Variants in RBPJ observed in about 807,000 individuals in gnomAD.
The protein encoded by RBPJ is recombining binding protein suppressor of hairless.
RBPJ carries 9 observed loss-of-function variants against 67.8 expected under a neutral mutation model. The ratio of observed to expected loss-of-function variants is 0.13; its 90% CI spans 0.08 to 0.23. The LOEUF (loss-of-function observed/expected upper bound fraction) is 0.23, where lower values mean the gene tolerates loss of function less well. RBPJ is among the 10% of genes least tolerant of loss of function. The probability of loss-of-function intolerance (pLI) is 1.00; values close to 1 mark genes in which losing one functional copy is unlikely to be tolerated. For missense variants in RBPJ, 305 were observed against 595.6 expected, an observed-to-expected ratio of 0.51 and a Z score of 5.08; for synonymous variants, 198 against 203.3, an observed-to-expected ratio of 0.97 and a Z score of 0.22.
chr4:26,190,583 C>T (rs939526339), intron 1 of RBPJ, among the ~76,000 whole-genome samples: 2 of 152,174 alleles, frequency 1.3e-5, no homozygotes, highest in Admixed American at 1.3e-4. Context: ...GACATGCATG[C>T]CTCTCTTCGA....
At chr4:26,293,598 A>T (rs967214873) in intron 1 of RBPJ, among the ~76,000 whole-genome samples, 2 of 150,698 alleles carry the variant, frequency 1.3e-5, no homozygotes, top group African/African-American at 4.9e-5. Context: ...ATTGTGCCAT[A>T]GTACTCCAGC....
At chr4:26,320,910 C>G, upstream of RBPJ, 1 of 1,543,372 alleles carries the variant, frequency 6.5e-7, no homozygotes, top group Non-Finnish European at 8.7e-7. Flanking sequence ...GGAAAGGGAG[C>G]GCGGGGGCTG....
intron 1 of RBPJ, among the ~76,000 whole-genome samples, chr4:26,183,731 C>T (rs998595508): frequency 6.6e-5 from 10 of 152,136 alleles, no homozygotes; most frequent in Non-Finnish European, 1.2e-4. Context: ...AAAATGTAGC[C>T]GGGCGTGGTC....
chr4:26,386,949 C>A (rs1031393498), intron 2 of RBPJ, among the ~76,000 whole-genome samples: 2 of 151,982 alleles, frequency 1.3e-5, no homozygotes, highest in Admixed American at 1.3e-4. Flanking sequence ...TCAGTGCAAA[C>A]CTTGCGTTTT....
intron 1 of RBPJ, among the ~76,000 whole-genome samples, chr4:26,324,012 C>G (rs1036238688): frequency 2.0e-5 from 3 of 152,146 alleles, no homozygotes; most frequent in African/African-American, 7.2e-5. Context: ...TTTTTGGCAT[C>G]TGGCTTTGTG....
At chr4:26,106,230 T>C in the RBPJ span, among the ~76,000 whole-genome samples, 1 of 152,192 alleles carries the variant, frequency 6.6e-6, no homozygotes, top group Admixed American at 6.5e-5. Context: ...GGTCAGAAAG[T>C]CAAACAGTAT....
At chr4:26,205,751 C>T (rs772865784) in intron 1 of RBPJ, among the ~76,000 whole-genome samples, 2 of 152,032 alleles carry the variant, frequency 1.3e-5, no homozygotes, top group Non-Finnish European at 2.9e-5. Context: ...CACTACCACT[C>T]CTGGCTAATT....
intron 1 of RBPJ, among the ~76,000 whole-genome samples, chr4:26,263,855 C>T (rs1325815760): frequency 6.6e-6 from 1 of 151,400 alleles, no homozygotes; most frequent in Non-Finnish European, 1.5e-5. Context: ...CAGGCGTGAG[C>T]CACAGCACCC....
intron 1 of RBPJ, among the ~76,000 whole-genome samples, chr4:26,368,879 G>A (rs1728881718): frequency 6.6e-6 from 1 of 152,114 alleles, no homozygotes; most frequent in Non-Finnish European, 1.5e-5. Context: ...TATAAAATGG[G>A]GGGTGACTGG....
At position 26,264,317 on chromosome 4, in the gene RBPJ, AT is replaced by A. The variant is rs1262838718; in HGVS notation, c.-166-98128del. ...AGATCTTAGTAATTAATTATTATTA[AT>A]ACTTATTAATTCATTAATCAATGAA... On this transcript the variant is annotated intron_variant, in intron 1 of 4. Transcript: ENST00000512351. The surrounding 1 kb of genome is among the most constrained non-coding windows in gnomAD (Gnocchi z 4.1). 6.6e-6 allele frequency among the ~76,000 whole-genome samples: 1 copy of A among 152,184 alleles called. No homozygotes were observed. The highest frequency in any genetic ancestry group is 1.5e-5 in the Non-Finnish European group (1 of 68,032).
intron 1 of RBPJ, among the ~76,000 whole-genome samples, chr4:26,351,346 A>G (rs1187766317): frequency 6.6e-6 from 1 of 152,156 alleles, no homozygotes; most frequent in African/African-American, 2.4e-5. Flanking sequence ...TTTTGATCAC[A>G]TACTTAGGTC....
the RBPJ span, among the ~76,000 whole-genome samples, chr4:26,109,642 G>GTC: frequency 1.4e-4 from 1 of 7,118 alleles, no homozygotes; most frequent in Non-Finnish European, 2.2e-4. Context: ...CTCTCTCTCT[G>GTC]TCTCTCTCTC....
intron 7 of RBPJ, among the ~76,000 whole-genome samples, chr4:26,425,808 G>T (rs1181396258): frequency 6.6e-6 from 1 of 152,158 alleles, no homozygotes; most frequent in African/African-American, 2.4e-5. Flanking sequence ...TGGGTGAGTA[G>T]AAGAACATTT....
At chr4:26,107,103 A>G in the RBPJ span, among the ~76,000 whole-genome samples, 11 of 152,220 alleles carry the variant, frequency 7.2e-5, no homozygotes, top group African/African-American at 2.2e-4. Context: ...CAGTAGTAAA[A>G]AAGAATTGAG....
chr4:26,314,570 C>T (rs1215675983), intron 1 of RBPJ, among the ~76,000 whole-genome samples: 2 of 151,948 alleles, frequency 1.3e-5, no homozygotes, highest in East Asian at 3.9e-4. Context: ...CTTGTGAGAT[C>T]CGGTCATTTA....
the RBPJ span, among the ~76,000 whole-genome samples, chr4:26,155,350 G>A: frequency 6.6e-6 from 1 of 152,060 alleles, no homozygotes; most frequent in Non-Finnish European, 1.5e-5. Flanking sequence ...GGGGAGCCAG[G>A]GGACCTAAGA....
intron 2 of RBPJ, among the ~76,000 whole-genome samples, chr4:26,395,195 G>T (rs1049275719): frequency 1.3e-5 from 2 of 152,154 alleles, no homozygotes; most frequent in African/African-American, 4.8e-5. Context: ...GGTGGCTCAA[G>T]CCTGTAATCC....
At chr4:26,233,093 C>T (rs570585996) in intron 1 of RBPJ, among the ~76,000 whole-genome samples, 2 of 152,212 alleles carry the variant, frequency 1.3e-5, no homozygotes, top group African/African-American at 4.8e-5. Context: ...ACAGTAAACA[C>T]AACCTCTTTT....
chr4:26,269,928 A>G (rs1720822342), intron 1 of RBPJ, among the ~76,000 whole-genome samples: 2 of 152,130 alleles, frequency 1.3e-5, no homozygotes, highest in Admixed American at 1.3e-4. Context: ...GAAAGAGTTA[A>G]TGAAACATTG....
Sources: allele counts gnomAD v4.1 joint callset (sites outside exome capture counted in the v4.1 genomes callset), GRCh38; gene constraint gnomAD v4.1.1; non-coding constraint Gnocchi (gnomAD v3.1); transcripts MANE v1.5; gene names NCBI Gene and HGNC (gene_info 2026-07-23, HGNC 2026-07-21).